PPP1R12C: variants seen among roughly 807,000 people sequenced by gnomAD.
PPP1R12C encodes leukocyte receptor cluster (LRC) encoded novel gene 3.
In PPP1R12C, 48 loss-of-function variants were observed where a neutral mutation model predicts 95.6. The ratio of observed to expected loss-of-function variants is 0.50; its 90% CI spans 0.40 to 0.64. PPP1R12C has a LOEUF of 0.64. PPP1R12C is among the 30% of genes least tolerant of loss of function. PPP1R12C has a pLI of 0.00. For missense variants in PPP1R12C, 1,057 were observed against 1,083.3 expected, an observed-to-expected ratio of 0.98 and a Z score of 0.34; for synonymous variants, 480 against 460.8, an observed-to-expected ratio of 1.04 and a Z score of -0.53.
chr19:55,112,938 C>A (rs2085114325), intron 1 of PPP1R12C, 143 bp from the exon 2 acceptor site: 2 of 1,214,522 alleles, frequency 1.6e-6, no homozygotes, highest in Admixed American at 2.2e-5. Context: ...CCTCTGGCCA[C>A]TGGCTGTTTA....
intron 15 of PPP1R12C, 58 bp from the exon 16 acceptor site, chr19:55,092,926 GTCC>G: frequency 1.3e-6 from 2 of 1,589,172 alleles, no homozygotes; most frequent in South Asian, 2.2e-5. Flanking sequence ...CGGTGCCTGG[GTCC>G]CCGGGTCAAG....
At position 55,091,212 on chromosome 19, in the gene PPP1R12C, T is replaced by A. The variant is rs1329941700; in HGVS notation, c.*260A>T. ...GATCCTTGCACTTCTTGGTCCTCAGTTCCTTCCTGGTCCCGTCTCTGGCCC... is the reference window on the plus strand; with the variant it reads ...GATCCTTGCACTTCTTGGTCCTCAGATCCTTCCTGGTCCCGTCTCTGGCCC... On this transcript the variant is annotated 3_prime_UTR_variant, in exon 22 of 22. Transcript: ENST00000263433. 3 of 538,314 alleles carry A rather than the reference T, an allele frequency of 5.6e-6. No homozygotes were observed. Among genetic ancestry groups the A allele is most frequent in the Non-Finnish European group, 6.7e-6 (2 of 298,288 alleles). 33.3% of individuals were successfully genotyped at this position (538,314 alleles called of 1,614,324 possible). A position where few individuals can be genotyped will look rare whatever the true frequency, so the allele number is the denominator to read the frequency against.
chr19:55,094,179 GACCTCCA>G (rs1180776373), intron 13 of PPP1R12C, among the ~76,000 whole-genome samples, 159 bp downstream of exon 13: 40 of 458 alleles, frequency 0.087, 19 homozygotes, highest in African/African-American at 0.52. Context: ...CAGGAGTCCA[GACCTCCA>G]GCCCCTCCTC....
chr19:55,094,891 G>C lies in PPP1R12C; in HGVS notation c.1455-93C>G, dbSNP rs998509140. 2.9e-6 allele frequency: 4 copies of C among 1,392,506 alleles called. No homozygotes were observed. In the African/African-American group the frequency reaches 5.7e-5, roughly 20 times the overall value. The allele number at this position is 1,392,506 out of a possible 1,614,324, so 86.3% of individuals were successfully genotyped here. On this transcript the variant is annotated intron_variant, in intron 11 of 21. Coordinates refer to ENST00000263433, the MANE Select transcript of PPP1R12C (RefSeq NM_017607.4). ...CGTGAGTGAAAGAAACAAATTATCT[G>C]GGCCACAACAGAGTCAGAGCTGAGC...
At chr19:55,104,434 G>A (rs1396054114) in intron 3 of PPP1R12C, among the ~76,000 whole-genome samples, 1 of 151,558 alleles carries the variant, frequency 6.6e-6, no homozygotes, top group Non-Finnish European at 1.5e-5. Context: ...GTGGCACAAC[G>A]GCTCATGCCT....
chr19:55,102,507 G>A (rs975969576), intron 4 of PPP1R12C, among the ~76,000 whole-genome samples: 2 of 152,180 alleles, frequency 1.3e-5, no homozygotes, highest in South Asian at 2.1e-4. Context: ...GCGAGACTCC[G>A]TCTCAAAAAC....
intron 3 of PPP1R12C, among the ~76,000 whole-genome samples, chr19:55,104,283 T>C (rs2085013553): frequency 6.8e-6 from 1 of 147,258 alleles, no homozygotes; most frequent in Non-Finnish European, 1.5e-5. Context: ...GCATCTCCTA[T>C]ATATATAACA....
chr19:55,115,745 G>C (rs2085146722), intron 1 of PPP1R12C, among the ~76,000 whole-genome samples: 1 of 152,224 alleles, frequency 6.6e-6, no homozygotes, highest in Admixed American at 6.5e-5. Context: ...GGGCTTTTCT[G>C]TCACCAATCC....
intron 19 of PPP1R12C, 67 bp from the exon 20 acceptor site, chr19:55,091,976 C>T: frequency 5.1e-6 from 8 of 1,582,454 alleles, no homozygotes; most frequent in Non-Finnish European, 6.9e-6. Context: ...GGGTCCTAGG[C>T]TCCTGCTGGG....
In PPP1R12C at chr19:55,091,497, C is replaced by G; in HGVS notation, c.2324G>C (p.Arg775Pro). 3 of 1,614,022 alleles carry G rather than the reference C, an allele frequency of 1.9e-6. No individual in the cohort carries two copies. Among genetic ancestry groups the G allele is most frequent in the Non-Finnish European group, 2.5e-6 (3 of 1,179,970 alleles). The change falls in exon 22 of 22, where the codon CGC (arginine) becomes CCC (proline). Residue 775 changes from arginine to proline, a missense_variant. By Grantham distance (103) the Arg-to-Pro change is moderately radical. Coordinates refer to ENST00000263433, the MANE Select transcript of PPP1R12C (RefSeq NM_017607.4). The part of the protein sequence containing the change: ...RLKDENAALI[R>P]VISKLSK ...TCACTTGGAGAGTTTGCTGATGACG[C>G]GGATCAACGCTGCATTCTCATCCTT...
rs775642689 is a variant in PPP1R12C at position 55,092,670 on chromosome 19, C to A, written c.1912-8G>T. 1 of 1,530,316 alleles carries A rather than the reference C, an allele frequency of 6.5e-7. No individual in the cohort carries two copies. Among genetic ancestry groups the A allele is most frequent in the Non-Finnish European group, 8.8e-7 (1 of 1,140,820 alleles). 94.8% of individuals were successfully genotyped at this position (1,530,316 alleles called of 1,614,324 possible). A position where few individuals can be genotyped will look rare whatever the true frequency, so the allele number is the denominator to read the frequency against. On this transcript the variant is annotated splice_polypyrimidine_tract_variant and splice_region_variant and intron_variant, in intron 16 of 21. Transcript: ENST00000263433. ...CGGCTCCGCCTCCTCCCCCTGTGGG[C>A]AGGTAGACGGGGGTTCAATGGGTAT... is the stretch of plus-strand genomic sequence containing the variant.
At chr19:55,106,666 T>C (rs1330101308) in intron 3 of PPP1R12C, among the ~76,000 whole-genome samples, 2 of 152,196 alleles carry the variant, frequency 1.3e-5, no homozygotes, top group East Asian at 1.9e-4. Context: ...GCACAGGACA[T>C]GGTGCTGCTG....
intron 4 of PPP1R12C, among the ~76,000 whole-genome samples, chr19:55,100,856 C>T (rs1439129042): frequency 1.3e-5 from 2 of 152,156 alleles, no homozygotes; most frequent in Non-Finnish European, 2.9e-5. Context: ...TCATGATCCG[C>T]CTGCCTCGAC....
In PPP1R12C at chr19:55,112,477, G is replaced by A. The variant is rs756076360; in HGVS notation, c.561C>T (p.Ile187=). ...DAMEGLLKAE[I]ARRGVDVEAA... ...CACACCAGAGCCCACCTCGGCGGGCGATCTCCGCCTTCAGCAGCCCCTCCA... is the reference window on the plus strand; with the variant it reads ...CACACCAGAGCCCACCTCGGCGGGCAATCTCCGCCTTCAGCAGCCCCTCCA... Residue 187 remains isoleucine, a synonymous_variant, in exon 3 of 22, where the codon ATC becomes ATT. Coordinates refer to ENST00000263433, the MANE Select transcript of PPP1R12C (RefSeq NM_017607.4). The A allele has an allele frequency of 3.8e-5, 62 of 1,610,748 alleles. No homozygotes were observed. Among genetic ancestry groups the A allele is most frequent in the South Asian group, 5.5e-5 (5 of 90,968 alleles).
intron 1 of PPP1R12C, 122 bp downstream of exon 1, chr19:55,117,101 G>T (rs569973403): frequency 3.3e-4 from 290 of 875,880 alleles, no homozygotes; most frequent in Non-Finnish European, 4.1e-4. Flanking sequence ...GCATAGGGTG[G>T]CAAAGCCCAG....
intron 1 of PPP1R12C, among the ~76,000 whole-genome samples, chr19:55,116,408 C>T (rs2085154278): frequency 6.6e-6 from 1 of 151,970 alleles, no homozygotes; most frequent in South Asian, 2.1e-4. Flanking sequence ...CATCCTTGGG[C>T]AGCAACACAG....
At chr19:55,104,289 T>TAA (rs1474614593) in intron 3 of PPP1R12C, among the ~76,000 whole-genome samples, 2 of 147,522 alleles carry the variant, frequency 1.4e-5, no homozygotes, top group African/African-American at 5.0e-5. Context: ...CCTATATATA[T>TAA]AACACCTATA....
At position 55,112,095 on chromosome 19, in the gene PPP1R12C, C is replaced by G. The variant is rs111948319; in HGVS notation, c.571+372G>C. 59 of 198,838 alleles carry G rather than the reference C, an allele frequency of 3.0e-4. No homozygotes were observed. The East Asian group carries it at 3.7e-3, about 12-fold the overall frequency. 12.3% of individuals were successfully genotyped at this position (198,838 alleles called of 1,614,324 possible). ...AACCCCTGCATGCCCCTACTCCCCC[C>G]CAAGTAAACGCATCCCCTCCCAGAA... On this transcript the variant is annotated intron_variant, in intron 3 of 21. Transcript: ENST00000263433.
At chr19:55,095,986 C>T (rs1461305757) in intron 8 of PPP1R12C, 46 bp from the exon 9 acceptor site, 1 of 1,608,988 alleles carries the variant, frequency 6.2e-7, no homozygotes, top group South Asian at 1.1e-5. Context: ...TGCCAGTTGC[C>T]TCTAGATTCA....
Sources: allele counts gnomAD v4.1 joint callset (sites outside exome capture counted in the v4.1 genomes callset), GRCh38; gene constraint gnomAD v4.1.1; transcripts MANE v1.5; gene names NCBI Gene and HGNC (gene_info 2026-07-23, HGNC 2026-07-21).